Variants in SPIRE1 observed in about 807,000 individuals in gnomAD.
The protein encoded by SPIRE1 is spire type actin nucleation factor 1.
SPIRE1 carries 40 observed loss-of-function variants against 94.1 expected under a neutral mutation model. The observed-to-expected ratio is 0.43, with a 90% confidence interval of 0.33 to 0.55. The LOEUF (loss-of-function observed/expected upper bound fraction) is 0.55. Among genes scored for constraint, SPIRE1 ranks in the 20% least tolerant of loss-of-function variants. SPIRE1 has a pLI of 0.06. For missense variants in SPIRE1, 838 were observed against 975.2 expected, an observed-to-expected ratio of 0.86 and a Z score of 1.87; for synonymous variants, 376 against 371.7, an observed-to-expected ratio of 1.01 and a Z score of -0.13.
chr18:12,648,571 C>T (rs915095749), intron 1 of SPIRE1, among the ~76,000 whole-genome samples: 1 of 151,990 alleles, frequency 6.6e-6, no homozygotes, highest in African/African-American at 2.4e-5. Context: ...AATATGGTAT[C>T]TCGAATGGGA....
chr18:12,590,048 C>G (rs1186160950), intron 2 of SPIRE1, among the ~76,000 whole-genome samples: 1 of 20,550 alleles, frequency 4.9e-5, no homozygotes. Flanking sequence ...TTTTCCTATG[C>G]AGTAACTGAA....
At chr18:12,570,319 A>G (rs2035932006) in intron 2 of SPIRE1, among the ~76,000 whole-genome samples, 1 of 152,220 alleles carries the variant, frequency 6.6e-6, no homozygotes, top group Admixed American at 6.5e-5. Context: ...TAAGTCTTAA[A>G]TGTCAAATCT....
chr18:12,601,163 G>A (rs2036823454), intron 2 of SPIRE1, among the ~76,000 whole-genome samples: 1 of 151,800 alleles, frequency 6.6e-6, no homozygotes, highest in East Asian at 1.9e-4. Flanking sequence ...GCTCACGCCT[G>A]TAATCCCAGC....
intron 1 of SPIRE1, among the ~76,000 whole-genome samples, chr18:12,643,299 G>A (rs1357600787): frequency 6.6e-6 from 1 of 152,134 alleles, no homozygotes; most frequent in Admixed American, 6.5e-5. Flanking sequence ...AACTTCACAA[G>A]CTCAAAAATA....
At chr18:12,580,841 G>A (rs964563874) in intron 2 of SPIRE1, among the ~76,000 whole-genome samples, 8 of 152,112 alleles carry the variant, frequency 5.3e-5, no homozygotes, top group African/African-American at 1.9e-4. Flanking sequence ...TTAGGAGTTC[G>A]ACAAACGCTT....
At chr18:12,457,177 G>C (rs569684868) in intron 12 of SPIRE1, among the ~76,000 whole-genome samples, 2 of 152,064 alleles carry the variant, frequency 1.3e-5, no homozygotes, top group African/African-American at 2.4e-5. Flanking sequence ...TTGCTTTCTT[G>C]TTCTTTTTTA....
intron 2 of SPIRE1, among the ~76,000 whole-genome samples, chr18:12,618,051 C>T (rs987596595): frequency 1.4e-4 from 22 of 152,124 alleles, no homozygotes; most frequent in Non-Finnish European, 3.1e-4. Context: ...CCTATCTATC[C>T]ATGAGAATTT....
intron 10 of SPIRE1, among the ~76,000 whole-genome samples, chr18:12,469,199 TTTTA>T (rs1441178254): frequency 6.6e-6 from 1 of 152,124 alleles, no homozygotes; most frequent in African/African-American, 2.4e-5. Context: ...TTTAAAATCT[TTTTA>T]TTTATTATTA....
intron 1 of SPIRE1, 34 bp from the exon 2 acceptor site, chr18:12,635,130 G>A (rs761672911): frequency 1.9e-5 from 22 of 1,172,446 alleles, no homozygotes; most frequent in South Asian, 8.0e-5. Flanking sequence ...ACTTTAAAAA[G>A]ATTTCAGCTT....
intron 4 of SPIRE1, among the ~76,000 whole-genome samples, chr18:12,523,691 T>A (rs544347373): frequency 6.6e-6 from 1 of 151,090 alleles, no homozygotes; most frequent in Non-Finnish European, 1.5e-5. Flanking sequence ...TTTATTCTTA[T>A]TTTTTTTTGA....
intron 2 of SPIRE1, among the ~76,000 whole-genome samples, chr18:12,579,105 A>G (rs1269734003): frequency 6.6e-6 from 1 of 152,056 alleles, no homozygotes; most frequent in African/African-American, 2.4e-5. Flanking sequence ...GGAGGAAAAA[A>G]AACCCAAAAA....
At position 12,518,497 on chromosome 18, in the gene SPIRE1, C is replaced by CAA. The variant is rs200732278; in HGVS notation, c.730-5967_730-5966insTT. Reference sequence around the variant, plus strand: ...AAAGAGCAAGACCCTGTCTCACACACACAAAAAAAAAAAAGAAAAGAAAAA... The same window carrying CAA: ...AAAGAGCAAGACCCTGTCTCACACACAAACAAAAAAAAAAAAGAAAAGAAAAA... On this transcript the variant is annotated intron_variant, in intron 4 of 16. Coordinates refer to ENST00000409402, the MANE Select transcript of SPIRE1 (RefSeq NM_001128626.2). 3.1e-4 allele frequency among the ~76,000 whole-genome samples: 46 copies of CAA among 147,264 alleles called. 1 individual carries two copies. Among genetic ancestry groups the CAA allele is most frequent in the Non-Finnish European group, 4.9e-4 (33 of 66,796 alleles).
At chr18:12,641,455 G>A (rs1341397277) in intron 1 of SPIRE1, among the ~76,000 whole-genome samples, 3 of 150,584 alleles carry the variant, frequency 2.0e-5, no homozygotes, top group Non-Finnish European at 4.4e-5. Flanking sequence ...TACAACCTCC[G>A]TCTCCAGGGT....
chr18:12,458,350 G>A (rs927635609), intron 12 of SPIRE1, among the ~76,000 whole-genome samples: 1 of 151,600 alleles, frequency 6.6e-6, no homozygotes, highest in African/African-American at 2.4e-5. Context: ...AGTGGCTCAC[G>A]CCTGTAATCC....
intron 4 of SPIRE1, among the ~76,000 whole-genome samples, chr18:12,529,116 T>A (rs1249924006): frequency 2.0e-5 from 3 of 152,190 alleles, no homozygotes; most frequent in African/African-American, 4.8e-5. Flanking sequence ...ACGCCTGTAA[T>A]CCCAGCACTT....
At chr18:12,601,359 G>A (rs1262736930) in intron 2 of SPIRE1, among the ~76,000 whole-genome samples, 2 of 151,328 alleles carry the variant, frequency 1.3e-5, no homozygotes, top group Non-Finnish European at 2.9e-5. Context: ...GGAGGTGGAG[G>A]TTGCAGTGAG....
intron 2 of SPIRE1, among the ~76,000 whole-genome samples, chr18:12,591,312 G>A (rs1039043918): frequency 1.3e-5 from 2 of 152,204 alleles, no homozygotes; most frequent in Non-Finnish European, 2.9e-5. Context: ...AAATAGCAAG[G>A]CAGCTAGTGT....
At chr18:12,580,330 T>G (rs1276231003) in intron 2 of SPIRE1, among the ~76,000 whole-genome samples, 1 of 147,928 alleles carries the variant, frequency 6.8e-6, no homozygotes, top group Non-Finnish European at 1.5e-5. Context: ...TCTCTCTCTC[T>G]TTTTTTTTTG....
chr18:12,477,438 G>C (rs1269546258), intron 10 of SPIRE1, among the ~76,000 whole-genome samples: 1 of 152,164 alleles, frequency 6.6e-6, no homozygotes, highest in Non-Finnish European at 1.5e-5. Context: ...CTAGATATCT[G>C]AGCTAGATGC....
Sources: gnomAD v4.1 joint callset for allele counts (sites outside exome capture counted in the v4.1 genomes callset) on GRCh38, gnomAD v4.1.1 for gene constraint, MANE v1.5 for transcripts, NCBI Gene and HGNC (gene_info 2026-07-23, HGNC 2026-07-21) for gene names.